Variants in ZCCHC4 observed in about 807,000 individuals in gnomAD.
The protein encoded by ZCCHC4 is zinc finger CCHC-type containing 4.
In ZCCHC4, 54 loss-of-function variants were observed where a neutral mutation model predicts 67.7. The observed-to-expected ratio is 0.80, with a 90% confidence interval of 0.64 to 1.00. The LOEUF is 1.00. ZCCHC4 is among the 50% of genes least tolerant of loss of function. The pLI, the probability that ZCCHC4 is intolerant of heterozygous loss-of-function variation, is 0.00. For synonymous variants in ZCCHC4, 198 were observed against 213.5 expected (o/e 0.93, Z 0.63); for missense variants, 609 against 617.0 (o/e 0.99, Z 0.14).
intron 3 of ZCCHC4, among the ~76,000 whole-genome samples, chr4:25,319,718 G>C (rs1718479295): frequency 6.6e-6 from 1 of 151,936 alleles, no homozygotes; most frequent in South Asian, 2.1e-4. Context: ...TCTTCAGCTT[G>C]AGACTAGCAG....
At position 25,359,973 on chromosome 4, in the gene ZCCHC4, A is replaced by G. The variant is rs1226238114; in HGVS notation, c.1012-1886A>G. ...CAGCGCAGATACATTCTGGGGTTGGATATTTTACATGACTTGGCAGCTGTG... is the reference window on the plus strand; with the variant it reads ...CAGCGCAGATACATTCTGGGGTTGGGTATTTTACATGACTTGGCAGCTGTG... On this transcript the variant is annotated intron_variant, in intron 8 of 12. Coordinates refer to ENST00000302874, the MANE Select transcript of ZCCHC4 (RefSeq NM_024936.3). The surrounding 1 kb of genome is among the most constrained non-coding windows in gnomAD (Gnocchi z 4.9). 6.6e-6 allele frequency among the ~76,000 whole-genome samples: 1 copy of G among 152,234 alleles called. No homozygotes were observed. The highest frequency in any genetic ancestry group is 1.5e-5 in the Non-Finnish European group (1 of 68,046).
At chr4:25,362,393 A>T in intron 10 of ZCCHC4, 92 bp downstream of exon 10, 1 of 809,516 alleles carries the variant, frequency 1.2e-6, no homozygotes, top group South Asian at 2.6e-5. Flanking sequence ...TTATTTTGTT[A>T]ATAGGATTTG....
chr4:25,319,830 A>C (rs1718484138), intron 3 of ZCCHC4, among the ~76,000 whole-genome samples: 1 of 152,118 alleles, frequency 6.6e-6, no homozygotes, highest in Admixed American at 6.6e-5. Flanking sequence ...CGCATTTATA[A>C]GTTAGCTTAT....
intron 3 of ZCCHC4, among the ~76,000 whole-genome samples, chr4:25,329,659 C>T (rs1368567642): frequency 6.6e-6 from 1 of 151,586 alleles, no homozygotes; most frequent in Non-Finnish European, 1.5e-5. Context: ...CTCAGCCTCC[C>T]GAGTAGCTGG....
intron 3 of ZCCHC4, among the ~76,000 whole-genome samples, chr4:25,319,821 G>A (rs74286794): frequency 6.6e-6 from 1 of 151,868 alleles, no homozygotes; most frequent in African/African-American, 2.4e-5. Context: ...TTTGTATAAC[G>A]CATTTATAAG....
Position 25,333,244 on chromosome 4 carries a change from T to C in ZCCHC4, c.391T>C (p.Leu131=). The change falls in exon 4 of 13, where the codon TTG becomes CTG. Residue 131 remains leucine (L), a synonymous_variant. Coordinates refer to ENST00000302874, the MANE Select transcript of ZCCHC4 (RefSeq NM_024936.3). ...QRKFCQTCQQ[L]LLPDDWGQHS... is the part of the protein sequence containing the mutation. ...AAAGTTTTGTCAAACATGTCAGCAG[T>C]TGTTGTTACCAGATGACTGGGGGCA... 1 of 1,614,180 alleles carries C rather than the reference T, an allele frequency of 6.2e-7. No individual in the cohort carries two copies. The highest frequency in any genetic ancestry group is 1.6e-4 in the Middle Eastern group (1 of 6,062).
chr4:25,316,188 TTGTC>T (rs1387505594), intron 3 of ZCCHC4, among the ~76,000 whole-genome samples: 1 of 152,250 alleles, frequency 6.6e-6, no homozygotes, highest in Non-Finnish European at 1.5e-5. Context: ...ATAATATCCG[TTGTC>T]TGTCTATACC....
intron 3 of ZCCHC4, among the ~76,000 whole-genome samples, chr4:25,324,014 G>GTTTTTTGTTTTTTTTTTTTTTT (rs1553895907): frequency 1.2e-5 from 1 of 82,448 alleles, no homozygotes; most frequent in Non-Finnish European, 2.1e-5. Context: ...TGTTTTTTGT[G>GTTTTTTGTTTTTTTTTTTTTTT]TTTTTTTTTT....
At position 25,350,295 on chromosome 4, in the gene ZCCHC4, C is replaced by G. The variant is rs979905537; in HGVS notation, c.910+653C>G. Among the ~76,000 whole-genome samples, 7 of 125,942 alleles carry G rather than the reference C, an allele frequency of 5.6e-5. No individual in the cohort carries two copies. In the South Asian group the frequency reaches 1.1e-3, roughly 19 times the overall value. The allele number at this position is 125,942 out of a possible 152,430, so 82.6% of individuals were successfully genotyped here. The stretch of plus-strand genomic sequence containing the variant: ...TTTTTTTTTGAGACAGAGTCTCACT[C>G]TGTCACCCAGTCTGGAGTGCAGTGG... On this transcript the variant is annotated intron_variant, in intron 7 of 12. Coordinates refer to ENST00000302874, the MANE Select transcript of ZCCHC4 (RefSeq NM_024936.3).
chr4:25,367,225 G>A (rs1449176955), intron 12 of ZCCHC4, among the ~76,000 whole-genome samples: 1 of 152,044 alleles, frequency 6.6e-6, no homozygotes, highest in Non-Finnish European at 1.5e-5. Flanking sequence ...TGTGGTTAAA[G>A]CTCATTTTAT....
At chr4:25,367,240 T>C (rs1720989176) in intron 12 of ZCCHC4, among the ~76,000 whole-genome samples, 1 of 152,150 alleles carries the variant, frequency 6.6e-6, no homozygotes, top group South Asian at 2.1e-4. Context: ...TTTTATCAGT[T>C]ACATAAATAC....
At chr4:25,365,851 A>T (rs1376104443) in intron 12 of ZCCHC4, 1 of 985,236 alleles carries the variant, frequency 1.0e-6, no homozygotes, top group East Asian at 1.1e-4. Context: ...TGCTATTTTA[A>T]CCGAGCTAAT....
chr4:25,358,416 G>A (rs1720595731), intron 8 of ZCCHC4, among the ~76,000 whole-genome samples: 1 of 152,142 alleles, frequency 6.6e-6, no homozygotes, highest in South Asian at 2.1e-4. Flanking sequence ...TTCAAAGACT[G>A]AATTTTTTAA....
At chr4:25,330,342 CCTGG>C (rs1366417276) in intron 3 of ZCCHC4, among the ~76,000 whole-genome samples, 1 of 152,024 alleles carries the variant, frequency 6.6e-6, no homozygotes. Flanking sequence ...TCTTTGCATA[CCTGG>C]TAATATTTTA....
At chr4:25,325,820 C>T (rs1452736032) in intron 3 of ZCCHC4, among the ~76,000 whole-genome samples, 2 of 151,882 alleles carry the variant, frequency 1.3e-5, no homozygotes, top group Admixed American at 6.6e-5. Context: ...ATGATCTATT[C>T]GGGGTTAGTT....
At chr4:25,346,619 C>T (rs1227768330) in intron 6 of ZCCHC4, among the ~76,000 whole-genome samples, 1 of 152,052 alleles carries the variant, frequency 6.6e-6, no homozygotes, top group African/African-American at 2.4e-5. Flanking sequence ...AATGAGTCCC[C>T]TGATTTAGTA....
At chr4:25,360,235 C>T (rs1203691180) in intron 8 of ZCCHC4, among the ~76,000 whole-genome samples, 1 of 152,224 alleles carries the variant, frequency 6.6e-6, no homozygotes, top group African/African-American at 2.4e-5. Context: ...GAAGCGGCAA[C>T]ACTCCCCTTG....
Position 25,335,259 on chromosome 4 carries a change from C to T in ZCCHC4, c.686+1271C>T, listed in dbSNP as rs560658087. 1.2e-3 allele frequency among the ~76,000 whole-genome samples: 186 copies of T among 152,238 alleles called. 1 individual carries two copies. The highest frequency in any genetic ancestry group is 4.4e-3 in the African/African-American group (181 of 41,554). ...GTCAGGAGTGCAAGACCAGCCTAGC[C>T]AACATGGTGAAACCCTGTCCCTACT... On this transcript the variant is annotated intron_variant, in intron 5 of 12. Transcript: ENST00000302874.
chr4:25,364,434 A>ATT lies in ZCCHC4; in HGVS notation c.1210-19_1210-18dup. The ATT allele has an allele frequency of 6.8e-7, 1 of 1,479,548 alleles. No homozygotes were observed. The highest frequency in any genetic ancestry group is 9.0e-7 in the Non-Finnish European group (1 of 1,108,248). The allele number at this position is 1,479,548 out of a possible 1,614,324, so 91.7% of individuals were successfully genotyped here. A position where few individuals can be genotyped will look rare whatever the true frequency, so the allele number is the denominator to read the frequency against. On this transcript the variant is annotated intron_variant, in intron 10 of 12. Transcript: ENST00000302874. Reference sequence around the variant, plus strand: ...ATAACAAATTAATTATAATTTAAAAATTGTTTTTTTTTTTGGTAGGATGGC... The same window carrying ATT: ...ATAACAAATTAATTATAATTTAAAAATTTTGTTTTTTTTTTTGGTAGGATGGC...
Sources: gnomAD v4.1 joint callset for allele counts (sites outside exome capture counted in the v4.1 genomes callset) on GRCh38, gnomAD v4.1.1 for gene constraint, Gnocchi (gnomAD v3.1) non-coding constraint, MANE v1.5 for transcripts, NCBI Gene and HGNC (gene_info 2026-07-23, HGNC 2026-07-21) for gene names.